SCHIP1: variants seen among roughly 807,000 people sequenced by gnomAD.
SCHIP1 encodes the protein schwannomin interacting protein 1, also known as schwannomin-interacting protein 1.
Under a neutral mutation model 29.7 loss-of-function variants are expected in SCHIP1, and 8 were observed. The ratio of observed to expected loss-of-function variants is 0.27; its 90% CI spans 0.16 to 0.49. The LOEUF (loss-of-function observed/expected upper bound fraction) is 0.49. SCHIP1 is among the 20% of genes least tolerant of loss of function. The pLI, the probability that SCHIP1 is intolerant of heterozygous loss-of-function variation, is 0.99. For synonymous variants in SCHIP1, 76 were observed against 94.9 expected (o/e 0.80, Z 1.16); for missense variants, 193 against 294.6 (o/e 0.66, Z 2.52).
At chr3:159,512,144 GA>G in the SCHIP1 span, among the ~76,000 whole-genome samples, 5 of 152,218 alleles carry the variant, frequency 3.3e-5, no homozygotes, top group East Asian at 9.6e-4. Context: ...AAAATAATGG[GA>G]GACAGAGAGG....
At chr3:159,566,272 A>G in the SCHIP1 span, among the ~76,000 whole-genome samples, 1 of 152,178 alleles carries the variant, frequency 6.6e-6, no homozygotes, top group Admixed American at 6.5e-5. Context: ...GTCCTGCTTT[A>G]TTTCACAAAG....
At chr3:159,617,994 A>C in the SCHIP1 span, among the ~76,000 whole-genome samples, 1 of 152,188 alleles carries the variant, frequency 6.6e-6, no homozygotes, top group African/African-American at 2.4e-5. Context: ...GGACATGTGA[A>C]AAACAGAAAA....
the SCHIP1 span, among the ~76,000 whole-genome samples, chr3:159,610,828 G>A: frequency 3.3e-5 from 5 of 152,066 alleles, no homozygotes; most frequent in African/African-American, 1.2e-4. Flanking sequence ...ATTTTTCAGT[G>A]AAGAGCTCAA....
chr3:159,779,273 T>C, the SCHIP1 span, among the ~76,000 whole-genome samples: 1 of 152,054 alleles, frequency 6.6e-6, no homozygotes, highest in East Asian at 1.9e-4. Flanking sequence ...GGAAGGGAGA[T>C]TGGCACATCA....
chr3:159,314,802 G>A, the SCHIP1 span, among the ~76,000 whole-genome samples: 1 of 152,082 alleles, frequency 6.6e-6, no homozygotes, highest in African/African-American at 2.4e-5. Flanking sequence ...TTGAGTTTTG[G>A]TATTTCAATT....
chr3:159,643,055 T>G, the SCHIP1 span, among the ~76,000 whole-genome samples: 1 of 152,004 alleles, frequency 6.6e-6, no homozygotes, highest in African/African-American at 2.4e-5. Context: ...GGCTACTGGT[T>G]GGTTGGTGAA....
At chr3:159,734,827 A>T in the SCHIP1 span, among the ~76,000 whole-genome samples, 1,876 of 121,388 alleles carry the variant, frequency 0.015, 46 homozygotes, top group Non-Finnish European at 0.016. Context: ...CTGGGAAATT[A>T]CACTGTTCCT....
chr3:159,685,599 CA>C, the SCHIP1 span, among the ~76,000 whole-genome samples: 1,037 of 152,272 alleles, frequency 6.8e-3, 12 homozygotes, highest in Non-Finnish European at 0.01. Flanking sequence ...CCTAAATTCC[CA>C]AATTTACCCA....
At chr3:159,485,234 G>A in the SCHIP1 span, among the ~76,000 whole-genome samples, 1 of 152,284 alleles carries the variant, frequency 6.6e-6, no homozygotes, top group Non-Finnish European at 1.5e-5. Flanking sequence ...AAGCTCAGGA[G>A]CCAGCCTGCC....
the SCHIP1 span, among the ~76,000 whole-genome samples, chr3:159,436,987 T>C: frequency 7.2e-5 from 11 of 152,156 alleles, no homozygotes; most frequent in Admixed American, 1.3e-4. Context: ...CCTTGAATTA[T>C]AGATGCCCAA....
chr3:159,363,390 A>C, the SCHIP1 span, among the ~76,000 whole-genome samples: 1 of 152,342 alleles, frequency 6.6e-6, no homozygotes, highest in Admixed American at 6.5e-5. Flanking sequence ...AAAGATGATA[A>C]ATGAGTACAG....
chr3:159,619,155 A>G, the SCHIP1 span, among the ~76,000 whole-genome samples: 11 of 152,372 alleles, frequency 7.2e-5, no homozygotes, highest in African/African-American at 2.4e-4. Flanking sequence ...ATCAGCATTT[A>G]TCTTTGGATT....
At chr3:159,677,531 C>T in the SCHIP1 span, among the ~76,000 whole-genome samples, 1 of 152,216 alleles carries the variant, frequency 6.6e-6, no homozygotes, top group Non-Finnish European at 1.5e-5. Context: ...TAAACCTAAT[C>T]TTCCAGGTAG....
the SCHIP1 span, among the ~76,000 whole-genome samples, chr3:159,580,505 C>G: frequency 6.6e-6 from 1 of 152,176 alleles, no homozygotes; most frequent in African/African-American, 2.4e-5. Flanking sequence ...CAATCCAGAA[C>G]AGTAACTACC....
the SCHIP1 span, among the ~76,000 whole-genome samples, chr3:159,713,534 T>C: frequency 1.3e-5 from 2 of 152,244 alleles, no homozygotes; most frequent in South Asian, 2.1e-4. Context: ...CATAAATGCA[T>C]ATAGTAAAAT....
At chr3:159,331,788 T>C in the SCHIP1 span, among the ~76,000 whole-genome samples, 3 of 152,316 alleles carry the variant, frequency 2.0e-5, no homozygotes, top group African/African-American at 7.2e-5. Flanking sequence ...TAATCTTTCC[T>C]ATAGACAGAG....
chr3:159,478,128 G>A, the SCHIP1 span, among the ~76,000 whole-genome samples: 1 of 151,830 alleles, frequency 6.6e-6, no homozygotes, highest in Non-Finnish European at 1.5e-5. Context: ...TCACCATGTT[G>A]GCCAGGATGG....
the SCHIP1 span, chr3:159,274,845 A>G: frequency 1.7e-6 from 1 of 583,280 alleles, no homozygotes; most frequent in Non-Finnish European, 2.2e-6. Flanking sequence ...CTAATAAAAT[A>G]TATTTTTATA....
the SCHIP1 span, chr3:159,273,287 G>A: frequency 3.0e-6 from 3 of 986,080 alleles, no homozygotes; most frequent in South Asian, 1.4e-4. Flanking sequence ...GATTTCTGCT[G>A]TGATAATCTT....
Sources: allele counts gnomAD v4.1 joint callset (sites outside exome capture counted in the v4.1 genomes callset), GRCh38; gene constraint gnomAD v4.1.1; transcripts MANE v1.5; gene names NCBI Gene and HGNC (gene_info 2026-07-23, HGNC 2026-07-21).